The following ADAMTSL1 variants were observed in gnomAD, a reference collection of about 807,000 sequenced individuals.
ADAMTSL1 encodes the protein ADAMTS like 1.
A neutral mutation model predicts 201.8 loss-of-function variants in ADAMTSL1; 126 were observed. That is an observed-to-expected ratio of 0.62 (90% CI 0.54 to 0.72). The LOEUF (loss-of-function observed/expected upper bound fraction) is 0.72. ADAMTSL1 is among the 30% of genes least tolerant of loss of function. ADAMTSL1 has a pLI of 0.00. For synonymous variants in ADAMTSL1, 1,121 were observed against 903.4 expected, an observed-to-expected ratio of 1.24 and a Z score of -4.32; for missense variants, 2,679 against 2,277.8, an observed-to-expected ratio of 1.18 and a Z score of -3.59.
chr9:18,074,511 CTTCTT>C (rs1554690845), intron 1 of ADAMTSL1, among the ~76,000 whole-genome samples: 5,565 of 93,360 alleles, frequency 0.06, 148 homozygotes, highest in Non-Finnish European at 0.074. Flanking sequence ...CTTTTCTTTT[CTTCTT>C]TTCTTTTCTT....
chr9:18,418,290 C>T (rs1271616426), intron 2 of ADAMTSL1, among the ~76,000 whole-genome samples: 1 of 152,160 alleles, frequency 6.6e-6, no homozygotes, highest in Non-Finnish European at 1.5e-5. Flanking sequence ...GAACGTTTCC[C>T]CCCCGGCACT....
rs112022161 is a variant in ADAMTSL1 at position 18,822,489 on chromosome 9, A to G, written c.3935-3795A>G. ...GCTAGTATAATGGCAGGCGGTGTAC[A>G]CTTGTTAAGATGGGGACTGTTGGCA... is the stretch of plus-strand genomic sequence containing the variant. On this transcript the variant is annotated intron_variant, in intron 21 of 28. Coordinates refer to ENST00000380548, the MANE Select transcript of ADAMTSL1 (RefSeq NM_001040272.6). Among the ~76,000 whole-genome samples, 666 of 152,288 alleles carry G rather than the reference A, an allele frequency of 4.4e-3. 6 individuals carry two copies. Among genetic ancestry groups the G allele is most frequent in the African/African-American group, 0.015 (616 of 41,546 alleles).
chr9:18,416,183 A>T (rs556170327), intron 2 of ADAMTSL1, among the ~76,000 whole-genome samples: 14 of 152,096 alleles, frequency 9.2e-5, no homozygotes, highest in Non-Finnish European at 2.1e-4. Flanking sequence ...AATGCCTATA[A>T]ATGATAATCG....
intron 1 of ADAMTSL1, among the ~76,000 whole-genome samples, chr9:17,995,920 A>G (rs999625356): frequency 9.9e-5 from 15 of 151,848 alleles, no homozygotes; most frequent in African/African-American, 3.4e-4. Context: ...CCTCATCTCT[A>G]AAATGACACA....
At chr9:18,367,188 G>T (rs373233009) in intron 2 of ADAMTSL1, among the ~76,000 whole-genome samples, 11 of 152,182 alleles carry the variant, frequency 7.2e-5, no homozygotes, top group African/African-American at 1.4e-4. Context: ...GTTGACAAAG[G>T]TTATAGCCAA....
At chr9:18,363,412 G>C (rs539941788) in intron 2 of ADAMTSL1, among the ~76,000 whole-genome samples, 1 of 152,318 alleles carries the variant, frequency 6.6e-6, no homozygotes, top group South Asian at 2.1e-4. Flanking sequence ...TTCTTTGGGA[G>C]ACAGCATGGA....
At chr9:17,924,093 G>T (rs1289077451) in intron 1 of ADAMTSL1, among the ~76,000 whole-genome samples, 5 of 142,480 alleles carry the variant, frequency 3.5e-5, no homozygotes, top group East Asian at 2.0e-4. Context: ...TCTCTTTTTT[G>T]GTTGTGTCTC....
At chr9:18,307,405 G>A (rs1833950719) in intron 2 of ADAMTSL1, among the ~76,000 whole-genome samples, 1 of 152,096 alleles carries the variant, frequency 6.6e-6, no homozygotes, top group African/African-American at 2.4e-5. Context: ...TGGAAAATTG[G>A]ATAAAGGGTC....
intron 2 of ADAMTSL1, among the ~76,000 whole-genome samples, chr9:18,169,823 T>C (rs1246316209): frequency 6.6e-6 from 1 of 151,718 alleles, no homozygotes; most frequent in East Asian, 1.9e-4. Context: ...TGTAGTTCTC[T>C]TAACTAGTTT....
At position 18,906,925 on chromosome 9, in the gene ADAMTSL1, C is replaced by A. The variant is rs1223900765; in HGVS notation, c.5182+13C>A. 9 of 1,613,652 alleles carry A rather than the reference C, an allele frequency of 5.6e-6. No homozygotes were observed. The highest frequency in any genetic ancestry group is 7.6e-6 in the Non-Finnish European group (9 of 1,179,696). On this transcript the variant is annotated intron_variant, in intron 28 of 28. Coordinates refer to ENST00000380548, the MANE Select transcript of ADAMTSL1 (RefSeq NM_001040272.6). ...CCATGTGAAAACAGTATGTTCCAAC[C>A]CCAAAGAACCTTCTGCAAATTCCCC...
chr9:18,400,662 A>T (rs1318109909), intron 2 of ADAMTSL1, among the ~76,000 whole-genome samples: 1 of 152,218 alleles, frequency 6.6e-6, no homozygotes, highest in East Asian at 1.9e-4. Context: ...CCAAACCCTC[A>T]GCTTAAAATG....
At chr9:18,281,990 T>C (rs1161742476) in intron 2 of ADAMTSL1, among the ~76,000 whole-genome samples, 1 of 152,218 alleles carries the variant, frequency 6.6e-6, no homozygotes. Flanking sequence ...ATTCAGGAGG[T>C]ACCTGTACAT....
intron 1 of ADAMTSL1, among the ~76,000 whole-genome samples, chr9:17,970,437 A>G (rs1048892758): frequency 2.0e-5 from 3 of 152,104 alleles, no homozygotes; most frequent in African/African-American, 4.8e-5. Flanking sequence ...GTGAAATAGA[A>G]GCACTTGGGT....
intron 1 of ADAMTSL1, among the ~76,000 whole-genome samples, chr9:18,091,996 G>A (rs957157187): frequency 6.6e-6 from 1 of 152,058 alleles, no homozygotes; most frequent in African/African-American, 2.4e-5. Context: ...AATGATCTGT[G>A]TCAGTTTCTA....
chr9:18,226,630 C>A (rs1830440702), intron 2 of ADAMTSL1, among the ~76,000 whole-genome samples: 1 of 151,982 alleles, frequency 6.6e-6, no homozygotes, highest in East Asian at 1.9e-4. Flanking sequence ...CTTCACCTGC[C>A]CTCTCTTTAC....
intron 2 of ADAMTSL1, among the ~76,000 whole-genome samples, chr9:18,246,045 C>G (rs753262120): frequency 1.3e-5 from 2 of 152,080 alleles, no homozygotes; most frequent in Admixed American, 6.6e-5. Context: ...GTCCCTCTAC[C>G]GGCTGCTGTG....
chr9:18,331,744 C>G (rs1211887433), intron 2 of ADAMTSL1, among the ~76,000 whole-genome samples: 3 of 152,138 alleles, frequency 2.0e-5, no homozygotes, highest in Non-Finnish European at 4.4e-5. Flanking sequence ...TGTAGCTTTC[C>G]TAAATCAGAT....
chr9:18,691,659 T>A, intron 13 of ADAMTSL1, among the ~76,000 whole-genome samples: 1 of 152,156 alleles, frequency 6.6e-6, no homozygotes, highest in East Asian at 1.9e-4. Context: ...TAATTTTTGA[T>A]CATACCTCCA....
At chr9:18,467,224 T>A (rs1353874201) in intron 2 of ADAMTSL1, among the ~76,000 whole-genome samples, 2 of 152,220 alleles carry the variant, frequency 1.3e-5, no homozygotes, top group African/African-American at 4.8e-5. Flanking sequence ...TATAGATATA[T>A]GAGACCCATT....
Sources: allele counts gnomAD v4.1 joint callset (sites outside exome capture counted in the v4.1 genomes callset), GRCh38; gene constraint gnomAD v4.1.1; transcripts MANE v1.5; gene names NCBI Gene and HGNC (gene_info 2026-07-23, HGNC 2026-07-21).